ZBTB26: variants seen among roughly 807,000 people sequenced by gnomAD.
ZBTB26 encodes the protein zinc finger and BTB domain-containing protein 26.
ZBTB26 carries 12 observed loss-of-function variants against 31.6 expected under a neutral mutation model. That is an observed-to-expected ratio of 0.38 (90% confidence interval 0.24 to 0.61). The LOEUF is 0.61. Ranked by LOEUF, ZBTB26 falls within the 20% of genes least tolerant of loss-of-function variation. ZBTB26 has a pLI of 0.60. For missense variants in ZBTB26, 311 were observed against 521.9 expected (o/e 0.60, Z 3.94); for synonymous variants, 155 against 182.9 (o/e 0.85, Z 1.23).
chr9:122,924,990 T>C (rs2131540066), intron 1 of ZBTB26, among the ~76,000 whole-genome samples: 1 of 152,308 alleles, frequency 6.6e-6, no homozygotes, highest in Admixed American at 6.5e-5. Context: ...AAAAAAAGTT[T>C]CTTATGAACC....
rs752659578 is a variant in ZBTB26, at chr9:122,919,306, G to A, written c.629C>T (p.Ala210Val). 1 of 1,614,176 alleles carries A rather than the reference G, an allele frequency of 6.2e-7. No homozygotes were observed. The highest frequency in any genetic ancestry group is 1.7e-5 in the Admixed American group (1 of 60,010). ...GTGCTGGGGCTCTGATGAATGTAAA[G>A]CAGTGGGTTCAGAAGAAATAAACTG... is the stretch of plus-strand genomic sequence containing the variant. ...QNQFISSEPTALHSSEPQHSL... is the reference protein window; with the variant it reads ...QNQFISSEPTVLHSSEPQHSL... The change falls in exon 2 of 2, where the codon GCT becomes GTT. Residue 210 changes from alanine (A) to valine (V), a missense_variant. Around this residue, in one of 5 missense-constraint regions of ZBTB26, gnomAD observed 207 missense variants for 298.6 expected, o/e 0.69. Coordinates refer to ENST00000373656, the MANE Select transcript of ZBTB26 (RefSeq NM_020924.4). The surrounding 1 kb of genome is among the most constrained non-coding windows in gnomAD (Gnocchi z 6.1).
At chr9:122,924,776 C>T (rs1833153020) in intron 1 of ZBTB26, among the ~76,000 whole-genome samples, 1 of 152,034 alleles carries the variant, frequency 6.6e-6, no homozygotes, top group Non-Finnish European at 1.5e-5. Context: ...CAGGTGCACA[C>T]CACCACACCT....
At chr9:122,928,927 C>A (rs1833225976) in intron 1 of ZBTB26, among the ~76,000 whole-genome samples, 1 of 152,238 alleles carries the variant, frequency 6.6e-6, no homozygotes, top group African/African-American at 2.4e-5. Flanking sequence ...ATGGCATGGG[C>A]CTGAAGAGAG....
rs780959531 is a variant in ZBTB26, at chr9:122,918,990, T to A, written c.945A>T (p.Arg315=). The A allele has an allele frequency of 2.5e-6, 4 of 1,614,090 alleles. No individual in the cohort carries two copies. The highest frequency in any genetic ancestry group is 1.7e-5 in the Admixed American group (1 of 60,000). ...TAATTCCGGCATGCACACGCATGTG[T>A]CGATGAAGGTTGCCTTTCTGAGTGA... ...KTFTQKGNLH[R]HMRVHAGIKP... is the part of the protein sequence containing the mutation. Residue 315 remains arginine, a synonymous_variant, in exon 2 of 2, where the codon CGA becomes CGT. Transcript: ENST00000373656.
chr9:122,931,220 C>T (rs879788139), intron 1 of ZBTB26: 2 of 152,652 alleles, frequency 1.3e-5, no homozygotes, highest in Admixed American at 6.5e-5. Context: ...GAGGCGGTCC[C>T]AGGGGCATCC....
intron 1 of ZBTB26, among the ~76,000 whole-genome samples, chr9:122,930,589 G>C (rs940556274): frequency 6.6e-6 from 1 of 152,100 alleles, no homozygotes; most frequent in African/African-American, 2.4e-5. Flanking sequence ...TCAATATTCT[G>C]TTCCGAACTC....
chr9:122,919,493 A>T lies in ZBTB26; in HGVS notation c.442T>A (p.Ser148Thr). 1 of 1,614,104 alleles carries T rather than the reference A, an allele frequency of 6.2e-7. No homozygotes were observed. The highest frequency in any genetic ancestry group is 8.5e-7 in the Non-Finnish European group (1 of 1,180,024). ...CTGGCATCTCCCTGCTGTTCTTTTG[A>T]CTGGGGAGAAGCACTCTGTGGTTCA... ...GCEPQSASPQSKEQQGDARGS... is the reference protein window; with the variant it reads ...GCEPQSASPQTKEQQGDARGS... The change falls in exon 2 of 2, where the codon TCA becomes ACA. Residue 148 changes from serine to threonine, a missense_variant. Around this residue, in one of 5 missense-constraint regions of ZBTB26, gnomAD observed 207 missense variants for 298.6 expected, o/e 0.69. Transcript: ENST00000373656. The surrounding 1 kb of genome is among the most constrained non-coding windows in gnomAD (Gnocchi z 6.1).
chr9:122,922,343 T>A (rs1348744427), intron 1 of ZBTB26, among the ~76,000 whole-genome samples: 2 of 152,178 alleles, frequency 1.3e-5, no homozygotes, highest in East Asian at 3.8e-4. Context: ...TAGAGTAGAA[T>A]TGTCTCTTCT....
At chr9:122,925,513 A>T (rs893902002) in intron 1 of ZBTB26, among the ~76,000 whole-genome samples, 1 of 152,226 alleles carries the variant, frequency 6.6e-6, no homozygotes, top group Non-Finnish European at 1.5e-5. Context: ...ACGGAGGTTG[A>T]AAGTGTTAAG....
At position 122,918,946 on chromosome 9, in the gene ZBTB26, A is replaced by G; in HGVS notation, c.989T>C (p.Ile330Thr). The stretch of plus-strand genomic sequence containing the variant: ...CTTCTGAGAAAAGGTTTTCCCACAG[A>G]TTTTACACTGGAAAGGTTTAATTCC... Reference protein sequence around the residue: ...HAGIKPFQCKICGKTFSQKCS... With the variant: ...HAGIKPFQCKTCGKTFSQKCS... Residue 330 changes from isoleucine to threonine, a missense_variant, in exon 2 of 2, where the codon ATC becomes ACC. Ile to Thr is a moderately conservative substitution (Grantham distance 89). This residue lies in a region of ZBTB26 where 25 missense variants were observed against 93.0 expected (regional missense o/e 0.27). Coordinates refer to ENST00000373656, the MANE Select transcript of ZBTB26 (RefSeq NM_020924.4). The G allele has an allele frequency of 6.2e-7, 1 of 1,614,190 alleles. No homozygotes were observed. The highest frequency in any genetic ancestry group is 1.1e-5 in the South Asian group (1 of 91,084).
chr9:122,926,330 G>A (rs1204094972), intron 1 of ZBTB26, among the ~76,000 whole-genome samples: 2 of 151,784 alleles, frequency 1.3e-5, no homozygotes, highest in Admixed American at 6.6e-5. Flanking sequence ...GTGAAACCCC[G>A]TGTCTACTAA....
rs767316158 is a variant in ZBTB26 at position 122,919,290 on chromosome 9, C to T, written c.645G>A (p.Glu215=). 1 of 1,614,040 alleles carries T rather than the reference C, an allele frequency of 6.2e-7. No homozygotes were observed. The highest frequency in any genetic ancestry group is 1.3e-5 in the African/African-American group (1 of 74,916). Residue 215 remains glutamate (E), a synonymous_variant, in exon 2 of 2, where the codon GAG becomes GAA. Transcript: ENST00000373656. The surrounding 1 kb of genome is among the most constrained non-coding windows in gnomAD (Gnocchi z 6.1). The stretch of plus-strand genomic sequence containing the variant: ...TTGAATTTATCAGGGAGTGCTGGGG[C>T]TCTGATGAATGTAAAGCAGTGGGTT... ...SSEPTALHSS[E]PQHSLINSTV... is the part of the protein sequence containing the mutation.
In ZBTB26 at chr9:122,918,266, G is replaced by T. The variant is rs578256411; in HGVS notation, c.*343C>A. ...TAGCATCTATTAGTGGAGAGTAGGT[G>T]ACGTTATTAACTTGTTGGTACCTTC... On this transcript the variant is annotated 3_prime_UTR_variant, in exon 2 of 2. Coordinates refer to ENST00000373656, the MANE Select transcript of ZBTB26 (RefSeq NM_020924.4). 1.7e-4 allele frequency: 40 copies of T among 229,436 alleles called. No homozygotes were observed. Among genetic ancestry groups the T allele is most frequent in the Non-Finnish European group, 2.8e-4 (33 of 117,260 alleles). 14.2% of individuals were successfully genotyped at this position (229,436 alleles called of 1,614,324 possible).
chr9:122,926,729 G>A (rs1160300841), intron 1 of ZBTB26, among the ~76,000 whole-genome samples: 1 of 152,180 alleles, frequency 6.6e-6, no homozygotes, highest in African/African-American at 2.4e-5. Context: ...ATATGTATTA[G>A]TCATATTCCT....
Position 122,915,937 on chromosome 9 carries a change from T to A in ZBTB26, c.*2672A>T, listed in dbSNP as rs974356225. On this transcript the variant is annotated 3_prime_UTR_variant, in exon 2 of 2. Transcript: ENST00000373656. The stretch of plus-strand genomic sequence containing the variant: ...TACAAATGCTGAATGATAAAGGTTT[T>A]AAAAATCTTCCTCCTCTACAGAAAT... 1 of 152,198 alleles carries A rather than the reference T, an allele frequency of 6.6e-6. No individual in the cohort carries two copies. Among genetic ancestry groups the A allele is most frequent in the Non-Finnish European group, 1.5e-5 (1 of 68,028 alleles). 9.4% of individuals were successfully genotyped at this position (152,198 alleles called of 1,614,324 possible).
chr9:122,922,992 TG>T (rs967518299), intron 1 of ZBTB26, among the ~76,000 whole-genome samples: 49 of 152,194 alleles, frequency 3.2e-4, no homozygotes, highest in African/African-American at 1.2e-3. Context: ...CAGACCATCC[TG>T]GCTAACACAG....
rs1221517885 is a variant in ZBTB26 at position 122,919,288 on chromosome 9, G to T, written c.647C>A (p.Pro216His). The T allele has an allele frequency of 1.2e-6, 2 of 1,614,122 alleles. No individual in the cohort carries two copies. Among genetic ancestry groups the T allele is most frequent in the Non-Finnish European group, 1.7e-6 (2 of 1,180,028 alleles). Residue 216 changes from proline (P) to histidine (H), a missense_variant, in exon 2 of 2, where the codon CCC becomes CAC. By Grantham distance (77) the Pro-to-His change is moderately conservative. Coordinates refer to ENST00000373656, the MANE Select transcript of ZBTB26 (RefSeq NM_020924.4). This position sits in a 1 kb window ranked among gnomAD's most constrained non-coding sequence, Gnocchi z 6.1. ...SEPTALHSSE[P>H]QHSLINSTVE... ...AGTTGAATTTATCAGGGAGTGCTGG[G>T]GCTCTGATGAATGTAAAGCAGTGGG...
rs1029336421 is a variant in ZBTB26 at position 122,919,180 on chromosome 9, A to G, written c.755T>C (p.Met252Thr). 6.2e-7 allele frequency: 1 copy of G among 1,614,238 alleles called. No homozygotes were observed. Among genetic ancestry groups the G allele is most frequent in the Non-Finnish European group, 8.5e-7 (1 of 1,180,038 alleles). ...AGGGCCAAAGACATCTTTTGAGGCC[A>G]TGATGATGTTATCACTGCCTGTATA... ...LSYTGSDNIIMASKDVFGPNI... is the reference protein window; with the variant it reads ...LSYTGSDNIITASKDVFGPNI... The change falls in exon 2 of 2, where the codon ATG (methionine) becomes ACG (threonine). Residue 252 changes from methionine to threonine, a missense_variant. Met to Thr is a moderately conservative substitution (Grantham distance 81). Coordinates refer to ENST00000373656, the MANE Select transcript of ZBTB26 (RefSeq NM_020924.4). This position sits in a 1 kb window ranked among gnomAD's most constrained non-coding sequence, Gnocchi z 6.1.
intron 1 of ZBTB26, among the ~76,000 whole-genome samples, chr9:122,928,812 T>C (rs2131542388): frequency 6.6e-6 from 1 of 152,354 alleles, no homozygotes; most frequent in Non-Finnish European, 1.5e-5. Context: ...ACTCATGCAC[T>C]GTCTAAACTT....
Sources: allele counts gnomAD v4.1 joint callset (sites outside exome capture counted in the v4.1 genomes callset), GRCh38; gene constraint gnomAD v4.1.1; regional missense constraint gnomAD v4.1.1; non-coding constraint Gnocchi (gnomAD v3.1); transcripts MANE v1.5; gene names NCBI Gene and HGNC (gene_info 2026-07-23, HGNC 2026-07-21).